Variants in TXNDC16 observed in about 807,000 individuals in gnomAD.
TXNDC16 encodes the protein thioredoxin domain containing 16, also known as thioredoxin domain-containing protein 16.
In TXNDC16, 74 loss-of-function variants were observed where a neutral mutation model predicts 85.6. That is an observed-to-expected ratio of 0.86 (90% CI 0.72 to 1.05). The LOEUF (loss-of-function observed/expected upper bound fraction) is 1.05, where lower values mean the gene tolerates loss of function less well. Among genes scored for constraint, TXNDC16 ranks in the 50% least tolerant of loss-of-function variants. The pLI, the probability that TXNDC16 is intolerant of heterozygous loss-of-function variation, is 0.00. For missense variants in TXNDC16, 959 were observed against 947.0 expected (o/e 1.01, Z -0.17); for synonymous variants, 335 against 326.5 (o/e 1.03, Z -0.28).
intron 5 of TXNDC16, 31 bp from the exon 6 acceptor site, chr14:52,536,824 G>C: frequency 6.6e-7 from 1 of 1,514,152 alleles, no homozygotes. Flanking sequence ...TATTAATATT[G>C]AAAAATACAA....
chr14:52,490,185 TAAAAA>T (rs1470329851), intron 11 of TXNDC16, among the ~76,000 whole-genome samples: 1 of 152,164 alleles, frequency 6.6e-6, no homozygotes, highest in African/African-American at 2.4e-5. Context: ...TTGCTTTATT[TAAAAA>T]AATACATATA....
chr14:52,467,326 A>C (rs2035800585), intron 16 of TXNDC16, among the ~76,000 whole-genome samples: 1 of 152,232 alleles, frequency 6.6e-6, no homozygotes, highest in South Asian at 2.1e-4. Context: ...CAATCTATGG[A>C]ATGAGAGAAA....
intron 14 of TXNDC16, among the ~76,000 whole-genome samples, chr14:52,474,254 A>G (rs535163084): frequency 6.6e-6 from 1 of 152,228 alleles, no homozygotes; most frequent in Non-Finnish European, 1.5e-5. Context: ...AGGGATAATT[A>G]ATCATATTCT....
At chr14:52,479,695 T>C (rs2036102551) in intron 14 of TXNDC16, among the ~76,000 whole-genome samples, 1 of 152,078 alleles carries the variant, frequency 6.6e-6, no homozygotes, top group Admixed American at 6.5e-5. Flanking sequence ...TGGAAACACA[T>C]CTCATGTTCA....
intron 6 of TXNDC16, among the ~76,000 whole-genome samples, chr14:52,524,219 A>G (rs1047026331): frequency 1.3e-5 from 2 of 152,238 alleles, no homozygotes; most frequent in African/African-American, 2.4e-5. Flanking sequence ...AACAATGCCT[A>G]AACACTCAAT....
chr14:52,434,513 A>T (rs2034982304), intron 20 of TXNDC16, among the ~76,000 whole-genome samples: 1 of 152,252 alleles, frequency 6.6e-6, no homozygotes, highest in Non-Finnish European at 1.5e-5. Context: ...TTTATAGACG[A>T]GAACACTAAA....
chr14:52,532,204 TA>T (rs1008505520), intron 6 of TXNDC16, among the ~76,000 whole-genome samples: 5 of 152,104 alleles, frequency 3.3e-5, no homozygotes, highest in Non-Finnish European at 2.9e-5. Context: ...TAGAAATTAA[TA>T]AAAATAAAGT....
intron 20 of TXNDC16, among the ~76,000 whole-genome samples, chr14:52,434,527 T>C (rs998671701): frequency 4.6e-5 from 7 of 152,194 alleles, no homozygotes; most frequent in African/African-American, 1.7e-4. Flanking sequence ...CACTAAAGCA[T>C]ACAAATATCA....
At position 52,440,557 on chromosome 14, in the gene TXNDC16, T is replaced by C. The variant is rs1199350584; in HGVS notation, c.2003+7A>G. The C allele has an allele frequency of 5.8e-6, 9 of 1,564,904 alleles. No homozygotes were observed. The highest frequency in any genetic ancestry group is 1.4e-5 in the African/African-American group (1 of 72,378). ...TCTTACATATTAAAAAATAAACACA[T>C]ACTTACAGATTTAACCAGCATGGAG... On this transcript the variant is annotated splice_region_variant and intron_variant, in intron 19 of 20. Transcript: ENST00000281741.
In TXNDC16 at chr14:52,440,587, T is replaced by C; in HGVS notation, c.1980A>G (p.Ser660=). 1.2e-6 allele frequency: 2 copies of C among 1,605,790 alleles called. No homozygotes were observed. Among genetic ancestry groups the C allele is most frequent in the Non-Finnish European group, 1.7e-6 (2 of 1,177,400 alleles). ...ACAGATTTAACCAGCATGGAGTAAATGAATCCAAGTATTTCTGCTTTACCA... is the reference window on the plus strand; with the variant it reads ...ACAGATTTAACCAGCATGGAGTAAACGAATCCAAGTATTTCTGCTTTACCA... The part of the protein sequence containing the change: ...LTLVKQKYLD[S]FTPCWLNLKN... Residue 660 remains serine (S), a synonymous_variant, in exon 19 of 21, where the codon TCA becomes TCG. Transcript: ENST00000281741.
intron 20 of TXNDC16, among the ~76,000 whole-genome samples, chr14:52,434,272 C>T (rs776811086): frequency 2.0e-5 from 3 of 152,172 alleles, no homozygotes; most frequent in Non-Finnish European, 4.4e-5. Flanking sequence ...GTCAACACTG[C>T]GGCCTAGCGG....
intron 14 of TXNDC16, among the ~76,000 whole-genome samples, chr14:52,474,002 A>G (rs563283626): frequency 2.0e-5 from 3 of 152,356 alleles, no homozygotes; most frequent in Admixed American, 6.5e-5. Flanking sequence ...CTGAACTTCC[A>G]AAATAGTCCA....
intron 6 of TXNDC16, among the ~76,000 whole-genome samples, chr14:52,529,662 G>GCCTATTATATATATTATATATAATT: frequency 1.1e-5 from 1 of 89,612 alleles, no homozygotes; most frequent in Non-Finnish European, 2.0e-5. Flanking sequence ...TATATATAAT[G>GCCTATTATATATATTATATATAATT]CCTATTATAT....
intron 9 of TXNDC16, among the ~76,000 whole-genome samples, chr14:52,507,645 G>A (rs1378456668): frequency 1.3e-5 from 2 of 152,156 alleles, no homozygotes; most frequent in African/African-American, 4.8e-5. Flanking sequence ...GAGGCATCAT[G>A]CTACCTGACT....
chr14:52,510,820 T>C lies in TXNDC16; in HGVS notation c.756+420A>G, dbSNP rs77351941. On this transcript the variant is annotated intron_variant, in intron 9 of 20. Transcript: ENST00000281741. ...AAGGAAACTGGAGCATCAGAAATCCTATGGTTCTAATATCTACCAACTTTT... is the reference window on the plus strand; with the variant it reads ...AAGGAAACTGGAGCATCAGAAATCCCATGGTTCTAATATCTACCAACTTTT... Among the ~76,000 whole-genome samples the C allele has an allele frequency of 3.7e-3, 567 of 152,344 alleles. 3 individuals carry two copies. The highest frequency in any genetic ancestry group is 6.8e-3 in the Middle Eastern group (2 of 294).
At chr14:52,529,838 A>G (rs1199104954) in intron 6 of TXNDC16, among the ~76,000 whole-genome samples, 8 of 110,188 alleles carry the variant, frequency 7.3e-5, no homozygotes, top group Non-Finnish European at 1.6e-5. Context: ...TTATTACTAT[A>G]TATAATAAAT....
At chr14:52,511,677 A>T (rs922898182) in intron 8 of TXNDC16, among the ~76,000 whole-genome samples, 1 of 152,098 alleles carries the variant, frequency 6.6e-6, no homozygotes, top group Admixed American at 6.6e-5. Context: ...GTTATAGGCA[A>T]GCCTATAACC....
At chr14:52,458,687 TGAACAGA>T (rs1291544446) in intron 16 of TXNDC16, among the ~76,000 whole-genome samples, 11 of 152,220 alleles carry the variant, frequency 7.2e-5, no homozygotes, top group African/African-American at 2.6e-4. Flanking sequence ...TTTCTAAGAG[TGAACAGA>T]GTGAAATTCC....
At chr14:52,528,681 A>C (rs1031727814) in intron 6 of TXNDC16, among the ~76,000 whole-genome samples, 37 of 150,912 alleles carry the variant, frequency 2.5e-4, no homozygotes, top group Non-Finnish European at 4.3e-4. Context: ...TAATATCCTT[A>C]TTATAAGTGA....
Sources: gnomAD v4.1 joint callset for allele counts (sites outside exome capture counted in the v4.1 genomes callset) on GRCh38, gnomAD v4.1.1 for gene constraint, MANE v1.5 for transcripts, NCBI Gene and HGNC (gene_info 2026-07-23, HGNC 2026-07-21) for gene names.